Variants in SLC24A4 observed in about 807,000 individuals in gnomAD.
The protein encoded by SLC24A4 is solute carrier family 24 member 4, also known as sodium/potassium/calcium exchanger 4.
Under a neutral mutation model 79.0 loss-of-function variants are expected in SLC24A4, and 53 were observed. The ratio of observed to expected loss-of-function variants is 0.67; its 90% CI spans 0.54 to 0.84. SLC24A4 has a LOEUF of 0.84. Ranked by LOEUF, SLC24A4 falls within the 40% of genes least tolerant of loss-of-function variation. The pLI is 0.00. For missense variants in SLC24A4, 731 were observed against 822.0 expected, an observed-to-expected ratio of 0.89 and a Z score of 1.35; for synonymous variants, 323 against 323.8, an observed-to-expected ratio of 1.00 and a Z score of 0.03.
At chr14:92,445,658 G>A (rs1313705145) in intron 8 of SLC24A4, among the ~76,000 whole-genome samples, 1 of 152,156 alleles carries the variant, frequency 6.6e-6, no homozygotes, top group African/African-American at 2.4e-5. Context: ...GCCTATTTCT[G>A]GAATGGGGGA....
intron 2 of SLC24A4, among the ~76,000 whole-genome samples, chr14:92,372,934 TC>T (rs1566722011): frequency 6.8e-4 from 100 of 147,558 alleles, no homozygotes; most frequent in African/African-American, 2.4e-3. Context: ...TCTCTTTCTT[TC>T]TTTTTCTCTC....
chr14:92,348,043 G>A (rs960711764), intron 2 of SLC24A4, among the ~76,000 whole-genome samples: 1 of 152,228 alleles, frequency 6.6e-6, no homozygotes, highest in Admixed American at 6.5e-5. Context: ...GAACAGTTGA[G>A]ATGTTAGAGC....
chr14:92,456,910 G>A (rs1893507939), intron 12 of SLC24A4, among the ~76,000 whole-genome samples: 1 of 152,192 alleles, frequency 6.6e-6, no homozygotes, highest in Admixed American at 6.5e-5. Context: ...AATGTTCAGT[G>A]CAGTCGATCT....
At chr14:92,473,290 C>A (rs978991535) in intron 12 of SLC24A4, among the ~76,000 whole-genome samples, 3 of 152,098 alleles carry the variant, frequency 2.0e-5, no homozygotes, top group African/African-American at 7.2e-5. Flanking sequence ...GTGAACAAGC[C>A]CCCCAGGTAA....
intron 2 of SLC24A4, among the ~76,000 whole-genome samples, chr14:92,360,975 C>G (rs1412639437): frequency 6.6e-6 from 1 of 152,186 alleles, no homozygotes; most frequent in African/African-American, 2.4e-5. Context: ...AGCAGTCAAG[C>G]CTTTTAAATG....
At chr14:92,447,607 C>G (rs1444377890) in intron 9 of SLC24A4, among the ~76,000 whole-genome samples, 183 bp downstream of exon 9, 1 of 152,076 alleles carries the variant, frequency 6.6e-6, no homozygotes, top group East Asian at 1.9e-4. Flanking sequence ...GATGCTGTTC[C>G]GGGGGTGCCG....
chr14:92,432,687 G>A (rs771898625), intron 2 of SLC24A4, among the ~76,000 whole-genome samples: 8 of 152,164 alleles, frequency 5.3e-5, no homozygotes, highest in East Asian at 1.9e-4. Context: ...TCTATTTTTC[G>A]TTAAATGCTG....
At chr14:92,479,487 A>G (rs1894944443) in intron 12 of SLC24A4, among the ~76,000 whole-genome samples, 1 of 152,186 alleles carries the variant, frequency 6.6e-6, no homozygotes, top group African/African-American at 2.4e-5. Flanking sequence ...CCTTTATTCT[A>G]TTAATGTAAT....
intron 2 of SLC24A4, among the ~76,000 whole-genome samples, chr14:92,381,326 C>T (rs1027320099): frequency 1.4e-5 from 2 of 145,584 alleles, no homozygotes; most frequent in East Asian, 4.6e-4. Context: ...CAAACTAACA[C>T]GGAAACAGAA....
intron 2 of SLC24A4, among the ~76,000 whole-genome samples, chr14:92,346,458 A>G (rs1461447342): frequency 6.6e-6 from 1 of 152,184 alleles, no homozygotes; most frequent in Admixed American, 6.5e-5. Context: ...CTTGGGAGAG[A>G]GTGACCTGAG....
intron 14 of SLC24A4, 119 bp from the exon 15 acceptor site, chr14:92,491,546 A>G (rs1895671513): frequency 1.4e-6 from 1 of 706,732 alleles, no homozygotes; most frequent in South Asian, 1.7e-5. Context: ...TTAGAAATGT[A>G]AGGTCCTTGC....
chr14:92,438,960 C>G (rs1079364), intron 3 of SLC24A4, among the ~76,000 whole-genome samples: 41,790 of 152,156 alleles, frequency 0.27, 6,136 homozygotes, highest in East Asian at 0.53. Context: ...CCCCAGCCAC[C>G]AGTCACCTCA....
intron 2 of SLC24A4, among the ~76,000 whole-genome samples, chr14:92,375,677 T>C (rs1888460271): frequency 6.6e-6 from 1 of 152,188 alleles, no homozygotes; most frequent in African/African-American, 2.4e-5. Flanking sequence ...TTGGAACACA[T>C]TACGCTAAGT....
chr14:92,341,008 A>G (rs969605166), intron 2 of SLC24A4, among the ~76,000 whole-genome samples: 7 of 152,210 alleles, frequency 4.6e-5, no homozygotes, highest in Admixed American at 1.3e-4. Context: ...TCTTAGAGTC[A>G]TCCTGGTTTC....
rs779007741 is a variant in SLC24A4 at position 92,474,843 on chromosome 14, G to GTGTATATATATATATA, written c.1256-7836_1256-7835insGTATATATATATATAT. ...TATACATATATATGTGTGTGTGTGT[G>GTGTATATATATATATA]TATATATATATATATATATATTTTT... On this transcript the variant is annotated intron_variant, in intron 12 of 16. Transcript: ENST00000532405. Among the ~76,000 whole-genome samples, 5 of 23,886 alleles carry GTGTATATATATATATA rather than the reference G, an allele frequency of 2.1e-4. No individual in the cohort carries two copies. In the South Asian group the frequency reaches 4.4e-3, roughly 21 times the overall value. 15.7% of individuals were successfully genotyped at this position (23,886 alleles called of 152,430 possible). A position where few individuals can be genotyped will look rare whatever the true frequency, so the allele number is the denominator to read the frequency against.
At chr14:92,458,080 G>A (rs781641362) in intron 12 of SLC24A4, among the ~76,000 whole-genome samples, 1 of 152,198 alleles carries the variant, frequency 6.6e-6, no homozygotes, top group Non-Finnish European at 1.5e-5. Context: ...CATGCTCGTC[G>A]CAGCTATCCA....
At chr14:92,401,442 T>C (rs2141763984) in intron 2 of SLC24A4, among the ~76,000 whole-genome samples, 1 of 152,252 alleles carries the variant, frequency 6.6e-6, no homozygotes, top group African/African-American at 2.4e-5. Flanking sequence ...ATGGCCTAAA[T>C]GTGGAGATGA....
rs760608161 is a variant in SLC24A4, at chr14:92,442,783, C to T, written c.549C>T (p.Cys183=). ...GCTCTGCTGTGTTCAACATCCTGTGCATAATTGGAGTGTGCGGACTGTTTG... is the reference window on the plus strand; with the variant it reads ...GCTCTGCTGTGTTCAACATCCTGTGTATAATTGGAGTGTGCGGACTGTTTG... ...IVGSAVFNIL[C]IIGVCGLFAG... is the part of the protein sequence containing the mutation. The change falls in exon 6 of 17, where the codon TGC becomes TGT. Residue 183 remains cysteine, a synonymous_variant. Transcript: ENST00000532405. 2 of 1,614,130 alleles carry T rather than the reference C, an allele frequency of 1.2e-6. No individual in the cohort carries two copies. Among genetic ancestry groups the T allele is most frequent in the Non-Finnish European group, 1.7e-6 (2 of 1,179,996 alleles).
chr14:92,412,383 A>AG (rs1229056197), intron 2 of SLC24A4, among the ~76,000 whole-genome samples: 1 of 152,192 alleles, frequency 6.6e-6, no homozygotes, highest in Non-Finnish European at 1.5e-5. Context: ...AGTTCCCCCC[A>AG]GGAGAACCAG....
Sources: allele counts gnomAD v4.1 joint callset (sites outside exome capture counted in the v4.1 genomes callset), GRCh38; gene constraint gnomAD v4.1.1; transcripts MANE v1.5; gene names NCBI Gene and HGNC (gene_info 2026-07-23, HGNC 2026-07-21).